TP63: variants seen among roughly 807,000 people sequenced by gnomAD.
TP63 encodes the protein tumor protein 63.
TP63 carries 17 observed loss-of-function variants against 82.8 expected under a neutral mutation model. That is an observed-to-expected ratio of 0.21 (90% CI 0.14 to 0.31). The LOEUF (loss-of-function observed/expected upper bound fraction) is 0.31. Among genes scored for constraint, TP63 ranks in the 10% least tolerant of loss-of-function variants. The probability of loss-of-function intolerance (pLI) is 1.00; values close to 1 mark genes in which losing one functional copy is unlikely to be tolerated. For missense variants in TP63, 648 were observed against 895.3 expected (o/e 0.72, Z 3.52); for synonymous variants, 330 against 321.7 (o/e 1.03, Z -0.28).
chr3:189,751,829 A>G (rs1178272996), intron 3 of TP63, among the ~76,000 whole-genome samples: 3 of 151,864 alleles, frequency 2.0e-5, no homozygotes, highest in African/African-American at 7.3e-5. Context: ...GTTTAATTAG[A>G]TCCTATTTGT....
At chr3:189,888,831 C>G (rs188965590) in intron 11 of TP63, among the ~76,000 whole-genome samples, 42 of 152,312 alleles carry the variant, frequency 2.8e-4, no homozygotes, top group African/African-American at 9.6e-4. Flanking sequence ...TGAAGTCAGT[C>G]TCCCTATTCC....
At chr3:189,664,736 T>A (rs534368796) in intron 1 of TP63, among the ~76,000 whole-genome samples, 50 of 152,324 alleles carry the variant, frequency 3.3e-4, no homozygotes, top group African/African-American at 1.2e-3. Context: ...TGCTTGGATA[T>A]TAAACATAAT....
intron 1 of TP63, among the ~76,000 whole-genome samples, chr3:189,647,702 G>A (rs4687080): frequency 0.33 from 47,920 of 145,424 alleles, 11,192 homozygotes; most frequent in Middle Eastern, 0.51. Flanking sequence ...TAGGAAGACC[G>A]AAGCCAAATT....
intron 1 of TP63, among the ~76,000 whole-genome samples, chr3:189,654,575 G>T (rs540854158): frequency 6.6e-6 from 1 of 152,058 alleles, no homozygotes; most frequent in Non-Finnish European, 1.5e-5. Flanking sequence ...TGGTAGAGAT[G>T]TATTACCAAT....
At chr3:189,602,642 C>T in the TP63 span, among the ~76,000 whole-genome samples, 1 of 152,164 alleles carries the variant, frequency 6.6e-6, no homozygotes, top group Non-Finnish European at 1.5e-5. Context: ...TCCGAGCCAG[C>T]AAGTATTAAT....
At chr3:189,888,339 CTTTAT>C (rs1720681097) in intron 11 of TP63, among the ~76,000 whole-genome samples, 2 of 152,172 alleles carry the variant, frequency 1.3e-5, no homozygotes, top group South Asian at 2.1e-4. Context: ...TTATTTTCAA[CTTTAT>C]TTTATTTCTT....
chr3:189,850,455 A>T (rs1223716823), intron 4 of TP63, among the ~76,000 whole-genome samples: 5 of 152,182 alleles, frequency 3.3e-5, no homozygotes, highest in Non-Finnish European at 7.3e-5. Flanking sequence ...ATTCTATCTC[A>T]TTTCCCTTCT....
At chr3:189,619,772 T>C in the TP63 span, among the ~76,000 whole-genome samples, 22 of 152,136 alleles carry the variant, frequency 1.4e-4, no homozygotes, top group Non-Finnish European at 2.2e-4. Context: ...CTCCCTCCAA[T>C]AGATGTTTTT....
intron 10 of TP63, chr3:189,881,419 A>G (rs1443548658): frequency 1.0e-6 from 1 of 985,272 alleles, no homozygotes; most frequent in Non-Finnish European, 1.2e-6. Context: ...CACCAAGACA[A>G]TGATTTCTTG....
chr3:189,887,404 G>A lies in TP63; in HGVS notation c.1507+853G>A, dbSNP rs550200122. Among the ~76,000 whole-genome samples, 3 of 152,222 alleles carry A rather than the reference G, an allele frequency of 2.0e-5. No homozygotes were observed. The South Asian group carries it at 6.2e-4, about 32-fold the overall frequency. ...ACTCACCTATTCTATCCCAGACACA[G>A]TCAGTAAGGAACTGATCTACGAAGG... is the stretch of plus-strand genomic sequence containing the variant. On this transcript the variant is annotated intron_variant, in intron 11 of 13. Transcript: ENST00000264731.
At chr3:189,631,150 C>A, upstream of TP63, 3 of 828,844 alleles carry the variant, frequency 3.6e-6, no homozygotes, top group East Asian at 1.3e-4. Flanking sequence ...CCAATCACGA[C>A]AGAGATCAGA....
At chr3:189,769,774 A>G (rs562706051) in intron 3 of TP63, among the ~76,000 whole-genome samples, 2 of 152,348 alleles carry the variant, frequency 1.3e-5, no homozygotes, top group South Asian at 2.1e-4. Flanking sequence ...CTGACCTTCA[A>G]TGAAAGATTA....
chr3:189,625,582 T>C, the TP63 span, among the ~76,000 whole-genome samples: 1 of 152,202 alleles, frequency 6.6e-6, no homozygotes, highest in Non-Finnish European at 1.5e-5. Flanking sequence ...GATATAATTT[T>C]TTAATTTCAA....
chr3:189,721,353 T>C (rs1009562969), intron 1 of TP63, among the ~76,000 whole-genome samples: 2 of 152,166 alleles, frequency 1.3e-5, no homozygotes, highest in Admixed American at 6.5e-5. Context: ...TATTTTCTAG[T>C]AATACAATAA....
At chr3:189,823,833 C>T (rs562447920) in intron 4 of TP63, among the ~76,000 whole-genome samples, 11 of 152,180 alleles carry the variant, frequency 7.2e-5, no homozygotes, top group African/African-American at 2.4e-4. Flanking sequence ...TCATGCAAAC[C>T]GCATGATAGA....
chr3:189,722,655 T>C (rs1719482027), intron 1 of TP63, among the ~76,000 whole-genome samples: 1 of 152,214 alleles, frequency 6.6e-6, no homozygotes, highest in Non-Finnish European at 1.5e-5. Flanking sequence ...AGAAAGCTCA[T>C]GTACCTTCCC....
chr3:189,723,791 C>G (rs1719564653), intron 1 of TP63, among the ~76,000 whole-genome samples: 1 of 152,150 alleles, frequency 6.6e-6, no homozygotes, highest in African/African-American at 2.4e-5. Context: ...GCTGAGTTTT[C>G]TATAATAGTT....
chr3:189,747,287 C>T (rs551647865), intron 3 of TP63, among the ~76,000 whole-genome samples: 4 of 152,082 alleles, frequency 2.6e-5, no homozygotes, highest in South Asian at 4.2e-4. Context: ...CCAACAGCTA[C>T]GGAATACAGA....
At chr3:189,649,658 C>T (rs1020569009) in intron 1 of TP63, among the ~76,000 whole-genome samples, 14 of 146,920 alleles carry the variant, frequency 9.5e-5, no homozygotes, top group African/African-American at 3.1e-4. Flanking sequence ...GCTATATTAA[C>T]TGGGATGGTC....
Sources: gnomAD v4.1 joint callset for allele counts (sites outside exome capture counted in the v4.1 genomes callset) on GRCh38, gnomAD v4.1.1 for gene constraint, MANE v1.5 for transcripts, NCBI Gene and HGNC (gene_info 2026-07-23, HGNC 2026-07-21) for gene names.